The following COL6A3 variants were observed in gnomAD, a reference collection of about 807,000 sequenced individuals.
The protein encoded by COL6A3 is collagen alpha-3(VI) chain.
A neutral mutation model predicts 274.1 loss-of-function variants in COL6A3; 137 were observed. The ratio of observed to expected loss-of-function variants is 0.50; its 90% CI spans 0.44 to 0.58. The LOEUF (loss-of-function observed/expected upper bound fraction) is 0.58. COL6A3 is among the 20% of genes least tolerant of loss of function. The pLI is 0.00. For synonymous variants in COL6A3, 1,650 were observed against 1,650.6 expected, an observed-to-expected ratio of 1.00 and a Z score of 0.01; for missense variants, 3,950 against 4,124.9, an observed-to-expected ratio of 0.96 and a Z score of 1.16.
intron 40 of COL6A3, among the ~76,000 whole-genome samples, chr2:237,335,831 C>G (rs749490645): frequency 6.6e-6 from 1 of 152,208 alleles, no homozygotes; most frequent in Non-Finnish European, 1.5e-5. Flanking sequence ...CTTATTTCAA[C>G]ACGGAAACTT....
intron 32 of COL6A3, among the ~76,000 whole-genome samples, chr2:237,345,551 C>T (rs754042483): frequency 8.5e-5 from 13 of 152,176 alleles, no homozygotes; most frequent in African/African-American, 1.2e-4. Context: ...ACGCTTGATA[C>T]GCTGTCCCCT....
At position 237,361,612 on chromosome 2, in the gene COL6A3, C is replaced by A; in HGVS notation, c.6156+127G>T. On this transcript the variant is annotated intron_variant, in intron 15 of 43. Transcript: ENST00000295550. This position sits in a 1 kb window ranked among gnomAD's most constrained non-coding sequence, Gnocchi z 5.1. ...TGCCCCTCAGAGCTCCTCCTTCTAA[C>A]ATAAGAAATGGTCTCTCGTCTCCTC... 1 of 930,138 alleles carries A rather than the reference C, an allele frequency of 1.1e-6. No homozygotes were observed. The allele number at this position is 930,138 out of a possible 1,614,324, so 57.6% of individuals were successfully genotyped here.
Position 237,357,369 on chromosome 2 carries a change from A to G in COL6A3, c.6560T>C (p.Val2187Ala), listed in dbSNP as rs770328379. Reference protein sequence around the residue: ...GPMGVPGRDGVPGGPGETGKN... With the variant: ...GPMGVPGRDGAPGGPGETGKN... ...CCCAGTTTCTCCAGGTCCTCCAGGT[A>G]CTCCATCTCTCCCTGGGACACCCTG... The change falls in exon 23 of 44, where the codon GTA becomes GCA. Residue 2187 changes from valine to alanine, a missense_variant. This residue lies in a region of COL6A3 where 1,284 missense variants were observed against 1,349.7 expected (regional missense o/e 0.95). Transcript: ENST00000295550. 2.5e-6 allele frequency: 4 copies of G among 1,613,906 alleles called. No homozygotes were observed. In the South Asian group the frequency reaches 4.4e-5, roughly 18 times the overall value.
Position 237,361,633 on chromosome 2 carries a change from TC to T in COL6A3, c.6156+105del. The T allele has an allele frequency of 2.8e-6, 3 of 1,053,834 alleles. No individual in the cohort carries two copies. Among genetic ancestry groups the T allele is most frequent in the Non-Finnish European group, 4.5e-6 (3 of 669,930 alleles). The allele number at this position is 1,053,834 out of a possible 1,614,324, so 65.3% of individuals were successfully genotyped here. A position where few individuals can be genotyped will look rare whatever the true frequency, so the allele number is the denominator to read the frequency against. Reference sequence around the variant, plus strand: ...CTAACATAAGAAATGGTCTCTCGTCTCCTCCTTCATCTCCACACTCTTCTGT... The same window carrying T: ...CTAACATAAGAAATGGTCTCTCGTCTCTCCTTCATCTCCACACTCTTCTGT... On this transcript the variant is annotated intron_variant, in intron 15 of 43. Transcript: ENST00000295550. The surrounding 1 kb of genome is among the most constrained non-coding windows in gnomAD (Gnocchi z 5.1).
chr2:237,411,853 G>A (rs1388246570), intron 1 of COL6A3, among the ~76,000 whole-genome samples: 2 of 152,142 alleles, frequency 1.3e-5, no homozygotes, highest in East Asian at 1.9e-4. Context: ...GGTGGAACAC[G>A]CTCCCTGCCA....
chr2:237,357,056 T>G, intron 23 of COL6A3: 4 of 521,018 alleles, frequency 7.7e-6, no homozygotes, highest in East Asian at 3.3e-5. Context: ...AAATATTTAG[T>G]TGGATCAAAC....
At position 237,378,971 on chromosome 2, in the gene COL6A3, G is replaced by C. The variant is rs377632042; in HGVS notation, c.2162C>G (p.Ser721Ter). 1.6e-5 allele frequency: 26 copies of C among 1,614,090 alleles called. 1 individual carries two copies. The highest frequency in any genetic ancestry group is 1.7e-6 in the Non-Finnish European group (2 of 1,180,046). The change falls in exon 6 of 44, where the codon TCA (serine) becomes TGA (stop). Residue 721 changes from serine (S) to a stop codon, truncating the protein, a stop_gained. Transcript: ENST00000295550. LOFTEE classifies it high-confidence loss of function. Reference sequence around the variant, plus strand: ...GTTGGCATAGACATAGCTTAGGGCTGAGCCTGTGTTCAGGCCCGAACCTCC... The same window carrying C: ...GTTGGCATAGACATAGCTTAGGGCTCAGCCTGTGTTCAGGCCCGAACCTCC... ...LQGGSGLNTG[S>*]ALSYVYANHF...
chr2:237,373,860 A>G (rs1236189554), intron 8 of COL6A3, among the ~76,000 whole-genome samples: 3 of 152,240 alleles, frequency 2.0e-5, no homozygotes, highest in Non-Finnish European at 2.9e-5. Context: ...AAGAAAATAG[A>G]ATAAACTATG....
chr2:237,374,774 G>C lies in COL6A3; in HGVS notation c.3317C>G (p.Pro1106Arg). The change falls in exon 8 of 44, where the codon CCC (proline) becomes CGC (arginine). Residue 1106 changes from proline to arginine, a missense_variant. By Grantham distance (103) the Pro-to-Arg change is moderately radical. Transcript: ENST00000295550. The surrounding 1 kb of genome is among the most constrained non-coding windows in gnomAD (Gnocchi z 4.8). ...AAACTCCAGGGCGGCCCCGGTGTTG[G>C]GGGTCGGCCCTCCCAGCAGGGTCAG... ...RQLTLLGGPTPNTGAALEFVL... is the reference protein window; with the variant it reads ...RQLTLLGGPTRNTGAALEFVL... 1 of 1,614,020 alleles carries C rather than the reference G, an allele frequency of 6.2e-7. No homozygotes were observed. Among genetic ancestry groups the C allele is most frequent in the Non-Finnish European group, 8.5e-7 (1 of 1,179,978 alleles).
At position 237,341,016 on chromosome 2, in the gene COL6A3, G is replaced by A; in HGVS notation, c.7900C>T (p.Gln2634Ter). 6.2e-7 allele frequency: 1 copy of A among 1,614,180 alleles called. No homozygotes were observed. Among genetic ancestry groups the A allele is most frequent in the Non-Finnish European group, 8.5e-7 (1 of 1,180,036 alleles). ...ATGTACTTCTTCATCTCATTGAACT[G>A]GAACAGGGTGGTGGTCTCAGCGCTG... is the stretch of plus-strand genomic sequence containing the variant. ...LDSAETTTLF[Q>*]FNEMKKYIAY... is the part of the protein sequence containing the mutation. Residue 2634 changes from glutamine to a stop codon, truncating the protein, a stop_gained, in exon 38 of 44, where the codon CAG (glutamine) becomes TAG (stop). Transcript: ENST00000295550. LOFTEE classifies it high-confidence loss of function.
At chr2:237,396,676 T>C (rs750704561) in intron 2 of COL6A3, 51 bp downstream of exon 2, 9 of 1,568,356 alleles carry the variant, frequency 5.7e-6, no homozygotes, top group Non-Finnish European at 7.9e-6. Flanking sequence ...AGATCTAAAA[T>C]CAAAGAATGA....
intron 14 of COL6A3, among the ~76,000 whole-genome samples, chr2:237,362,908 C>T (rs1254905759): frequency 1.3e-5 from 2 of 152,174 alleles, no homozygotes; most frequent in African/African-American, 2.4e-5. Context: ...GCTCTTGACA[C>T]AGTTTCCAAT....
At position 237,334,643 on chromosome 2, in the gene COL6A3, T is replaced by C. The variant is rs772300300; in HGVS notation, c.9212A>G (p.His3071Arg). 3.1e-6 allele frequency: 5 copies of C among 1,613,444 alleles called. No individual in the cohort carries two copies. Among genetic ancestry groups the C allele is most frequent in the East Asian group, 2.2e-5 (1 of 44,898 alleles). ...YLRSQVRATY[H>R]GSFSTKKSQP... ...GTACTTACTTGTACTGAAACTTCCG[T>C]GGTAGGTGGCTCTGACCTGAGACCT... The change falls in exon 41 of 44, where the codon CAC becomes CGC. Residue 3071 changes from histidine to arginine, a missense_variant. By Grantham distance (29) the His-to-Arg change is conservative. Coordinates refer to ENST00000295550, the MANE Select transcript of COL6A3 (RefSeq NM_004369.4).
At chr2:237,401,619 T>C (rs1327378875) in intron 1 of COL6A3, among the ~76,000 whole-genome samples, 1 of 152,146 alleles carries the variant, frequency 6.6e-6, no homozygotes, top group Non-Finnish European at 1.5e-5. Flanking sequence ...TAAATATTTG[T>C]TAAATTCATT....
intron 4 of COL6A3, among the ~76,000 whole-genome samples, chr2:237,382,000 G>A (rs1431525393): frequency 6.6e-6 from 1 of 152,166 alleles, no homozygotes; most frequent in African/African-American, 2.4e-5. Flanking sequence ...GTCTTCATTT[G>A]ACAGACGAAA....
At position 237,354,920 on chromosome 2, in the gene COL6A3, T is replaced by G; in HGVS notation, c.6606A>C (p.Arg2202=). 6.2e-7 allele frequency: 1 copy of G among 1,613,908 alleles called. No homozygotes were observed. The highest frequency in any genetic ancestry group is 1.1e-5 in the South Asian group (1 of 90,988). ...TCACCTTAGCTCCGGGGGGTCCCCT[T>G]CGGCCAAAGCCACCCTGTGGAAGAA... ...GETGKNGGFG[R]RGPPGAKGNK... The change falls in exon 24 of 44, where the codon CGA becomes CGC. Residue 2202 remains arginine, a synonymous_variant. Coordinates refer to ENST00000295550, the MANE Select transcript of COL6A3 (RefSeq NM_004369.4).
In COL6A3 at chr2:237,346,507, G is replaced by A; in HGVS notation, c.7088C>T (p.Pro2363Leu). The A allele has an allele frequency of 1.2e-6, 2 of 1,613,958 alleles. No homozygotes were observed. The highest frequency in any genetic ancestry group is 1.7e-6 in the Non-Finnish European group (2 of 1,179,904). Residue 2363 changes from proline (P) to leucine (L), a missense_variant, in exon 32 of 44, where the codon CCA becomes CTA. Pro to Leu is a moderately conservative substitution (Grantham distance 98). This residue lies in a region of COL6A3 where 1,284 missense variants were observed against 1,349.7 expected (regional missense o/e 0.95). Coordinates refer to ENST00000295550, the MANE Select transcript of COL6A3 (RefSeq NM_004369.4). ...CAGAACTGGATAAATACTTACAGCTGGTCCTGGGTAGCCAGGGTCTCCCTT... is the reference window on the plus strand; with the variant it reads ...CAGAACTGGATAAATACTTACAGCTAGTCCTGGGTAGCCAGGGTCTCCCTT... ...GQKGDPGYPG[P>L]AGPKGNRGDS...
Position 237,361,208 on chromosome 2 carries a change from C to T in COL6A3, c.6157-34G>A, listed in dbSNP as rs773357554. The T allele has an allele frequency of 3.4e-5, 55 of 1,605,038 alleles. No individual in the cohort carries two copies. Among genetic ancestry groups the T allele is most frequent in the Middle Eastern group, 1.7e-4 (1 of 6,060 alleles). ...AAGTAATCGGGTCCTCTGTTTAATC[C>T]CGTGGTCTTCTTTGCTCTACAGTAA... On this transcript the variant is annotated intron_variant, in intron 15 of 43. Coordinates refer to ENST00000295550, the MANE Select transcript of COL6A3 (RefSeq NM_004369.4). This position sits in a 1 kb window ranked among gnomAD's most constrained non-coding sequence, Gnocchi z 5.1.
Position 237,325,743 on chromosome 2 carries a change from A to G in COL6A3, c.9329-19T>C. Reference sequence around the variant, plus strand: ...CATATATCTTTAATAAAAACATGAGAAAAGGATATTAATGAGAACATGCGT... The same window carrying G: ...CATATATCTTTAATAAAAACATGAGGAAAGGATATTAATGAGAACATGCGT... On this transcript the variant is annotated intron_variant, in intron 42 of 43. Transcript: ENST00000295550. 6.2e-7 allele frequency: 1 copy of G among 1,609,536 alleles called. No homozygotes were observed. The highest frequency in any genetic ancestry group is 8.5e-7 in the Non-Finnish European group (1 of 1,177,510).
Sources: gnomAD v4.1 joint callset for allele counts (sites outside exome capture counted in the v4.1 genomes callset) on GRCh38, gnomAD v4.1.1 for gene constraint, gnomAD v4.1.1 regional missense constraint, Gnocchi (gnomAD v3.1) non-coding constraint, MANE v1.5 for transcripts, NCBI Gene and HGNC (gene_info 2026-07-23, HGNC 2026-07-21) for gene names.